NRXN3: variants seen among roughly 807,000 people sequenced by gnomAD.
The protein encoded by NRXN3 is neurexin III.
NRXN3 carries 32 observed loss-of-function variants against 137.6 expected under a neutral mutation model. The observed-to-expected ratio is 0.23, with a 90% CI of 0.18 to 0.31. The LOEUF (loss-of-function observed/expected upper bound fraction) is 0.31. Ranked by LOEUF, NRXN3 falls within the 10% of genes least tolerant of loss-of-function variation. The pLI, the probability that NRXN3 is intolerant of heterozygous loss-of-function variation, is 1.00. For missense variants in NRXN3, 1,574 were observed against 2,062.5 expected, an observed-to-expected ratio of 0.76 and a Z score of 4.59; for synonymous variants, 798 against 784.5, an observed-to-expected ratio of 1.02 and a Z score of -0.29.
At chr14:79,639,447 A>T (rs2098421786) in intron 16 of NRXN3, among the ~76,000 whole-genome samples, 1 of 151,682 alleles carries the variant, frequency 6.6e-6, no homozygotes, top group African/African-American at 2.4e-5. Context: ...CTTTGTGATT[A>T]GTTGTAGTTG....
intron 16 of NRXN3, among the ~76,000 whole-genome samples, chr14:79,561,740 G>A (rs1203047232): frequency 1.3e-5 from 2 of 151,986 alleles, no homozygotes; most frequent in African/African-American, 4.8e-5. Flanking sequence ...TGGAGAATGA[G>A]GAACACGCAT....
intron 4 of NRXN3, among the ~76,000 whole-genome samples, chr14:78,363,677 T>C (rs2085475762): frequency 1.3e-5 from 2 of 152,204 alleles, no homozygotes; most frequent in Non-Finnish European, 2.9e-5. Flanking sequence ...GAGAATCTGC[T>C]GTGTGTTCTG....
intron 10 of NRXN3, among the ~76,000 whole-genome samples, chr14:78,919,445 A>G (rs2099265218): frequency 6.6e-6 from 1 of 152,212 alleles, no homozygotes; most frequent in South Asian, 2.1e-4. Flanking sequence ...ACACAAGTGG[A>G]GAAGAATTGG....
chr14:79,853,691 CCT>C (rs1278758527), intron 20 of NRXN3: 5 of 1,287,052 alleles, frequency 3.9e-6, no homozygotes, highest in Middle Eastern at 2.2e-4. Flanking sequence ...CCATTCTCCC[CCT>C]TTCTTTAGCA....
chr14:79,124,876 A>G (rs200701004), intron 15 of NRXN3, among the ~76,000 whole-genome samples: 1 of 150,202 alleles, frequency 6.7e-6, no homozygotes, highest in East Asian at 1.9e-4. Flanking sequence ...CAGATAAAAT[A>G]GCTGTTTTTT....
intron 20 of NRXN3, among the ~76,000 whole-genome samples, chr14:79,826,296 G>T (rs564337536): frequency 1.4e-4 from 22 of 152,168 alleles, no homozygotes; most frequent in African/African-American, 5.3e-4. Context: ...CCCAACCTGA[G>T]ATTTTTTTTT....
At chr14:78,861,913 T>C (rs1327109196) in intron 10 of NRXN3, among the ~76,000 whole-genome samples, 1 of 152,122 alleles carries the variant, frequency 6.6e-6, no homozygotes. Flanking sequence ...AAAGCCAGTA[T>C]AGGATATTTT....
intron 19 of NRXN3, among the ~76,000 whole-genome samples, chr14:79,703,496 G>C (rs2098763529): frequency 6.6e-6 from 1 of 152,058 alleles, no homozygotes; most frequent in African/African-American, 2.4e-5. Flanking sequence ...TTCTCACACT[G>C]CTATAAAAAA....
chr14:79,020,240 TCCCCTCCCCTCCCCTCCCCTCCCCTC>T (rs1202772726), intron 15 of NRXN3, among the ~76,000 whole-genome samples: 2 of 13,250 alleles, frequency 1.5e-4, no homozygotes, highest in Non-Finnish European at 2.7e-4. Flanking sequence ...TCCCCTCCCC[TCCCCTCCCCTCCCCTCCCCTCCCCTC>T]CCCTTCCCTT....
intron 17 of NRXN3, among the ~76,000 whole-genome samples, chr14:79,664,203 A>G (rs1328202158): frequency 6.6e-6 from 1 of 152,142 alleles, no homozygotes; most frequent in Non-Finnish European, 1.5e-5. Flanking sequence ...GGCTCATACC[A>G]AAGACAATTA....
At chr14:78,936,544 T>A (rs965422479) in intron 10 of NRXN3, among the ~76,000 whole-genome samples, 1 of 151,878 alleles carries the variant, frequency 6.6e-6, no homozygotes, top group East Asian at 1.9e-4. Context: ...AGGAAGGGAG[T>A]ACAAAGAGCC....
At chr14:79,718,475 G>GT (rs1278152155) in intron 19 of NRXN3, among the ~76,000 whole-genome samples, 1 of 152,218 alleles carries the variant, frequency 6.6e-6, no homozygotes, top group Non-Finnish European at 1.5e-5. Flanking sequence ...TGTGACTTAT[G>GT]TTTTTTAAAG....
At chr14:78,214,847 C>T (rs1339621376) in intron 1 of NRXN3, among the ~76,000 whole-genome samples, 1 of 152,140 alleles carries the variant, frequency 6.6e-6, no homozygotes, top group Admixed American at 6.5e-5. Flanking sequence ...CTCGAGTGCA[C>T]TCTTTGCTGT....
intron 1 of NRXN3, among the ~76,000 whole-genome samples, chr14:78,185,233 A>G (rs933405040): frequency 2.6e-5 from 4 of 152,176 alleles, no homozygotes; most frequent in Admixed American, 6.5e-5. Flanking sequence ...CTATTATAGG[A>G]TAGAGGGAAC....
At chr14:78,874,215 A>C (rs1265467873) in intron 10 of NRXN3, among the ~76,000 whole-genome samples, 1 of 152,076 alleles carries the variant, frequency 6.6e-6, no homozygotes, top group Non-Finnish European at 1.5e-5. Context: ...CAAGTGATCC[A>C]CTTGCCTTGG....
At chr14:79,203,358 A>G (rs2066331877) in intron 15 of NRXN3, among the ~76,000 whole-genome samples, 1 of 152,350 alleles carries the variant, frequency 6.6e-6, no homozygotes, top group African/African-American at 2.4e-5. Flanking sequence ...GCAAGATAAT[A>G]TATATACCTC....
chr14:79,497,093 G>A (rs1261616694), intron 16 of NRXN3, among the ~76,000 whole-genome samples: 1 of 152,148 alleles, frequency 6.6e-6, no homozygotes. Flanking sequence ...GCTTAAACCT[G>A]GTCCGGACCT....
At chr14:78,436,193 G>C (rs1639621146) in intron 4 of NRXN3, among the ~76,000 whole-genome samples, 1 of 152,166 alleles carries the variant, frequency 6.6e-6, no homozygotes, top group Non-Finnish European at 1.5e-5. Flanking sequence ...AACATCTCAG[G>C]TATAGGAGAG....
chr14:79,212,112 G>T (rs2067761526), intron 15 of NRXN3, among the ~76,000 whole-genome samples: 1 of 152,140 alleles, frequency 6.6e-6, no homozygotes, highest in Non-Finnish European at 1.5e-5. Context: ...ATGATAATTT[G>T]TCTGCTACCA....
Sources: gnomAD v4.1 joint callset for allele counts (sites outside exome capture counted in the v4.1 genomes callset) on GRCh38, gnomAD v4.1.1 for gene constraint, MANE v1.5 for transcripts, NCBI Gene and HGNC (gene_info 2026-07-23, HGNC 2026-07-21) for gene names.